SNTG1: variants seen among roughly 807,000 people sequenced by gnomAD.
SNTG1 encodes the protein gamma-1-syntrophin.
SNTG1 carries 39 observed loss-of-function variants against 74.7 expected under a neutral mutation model. The ratio of observed to expected loss-of-function variants is 0.52; its 90% confidence interval spans 0.40 to 0.68. The LOEUF is 0.68. Among genes scored for constraint, SNTG1 ranks in the 30% least tolerant of loss-of-function variants. The probability of loss-of-function intolerance (pLI) is 0.00; values close to 1 mark genes in which losing one functional copy is unlikely to be tolerated. For synonymous variants in SNTG1, 254 were observed against 217.1 expected, an observed-to-expected ratio of 1.17 and a Z score of -1.49; for missense variants, 685 against 609.5, an observed-to-expected ratio of 1.12 and a Z score of -1.30.
chr8:50,789,109 G>A (rs2095684073), intron 18 of SNTG1, among the ~76,000 whole-genome samples: 1 of 151,914 alleles, frequency 6.6e-6, no homozygotes, highest in African/African-American at 2.4e-5. Context: ...GCTTGTAGTA[G>A]ACTTGCCTGT....
chr8:50,687,729 A>G (rs2095358911), intron 15 of SNTG1, among the ~76,000 whole-genome samples: 1 of 151,228 alleles, frequency 6.6e-6, no homozygotes, highest in East Asian at 2.0e-4. Flanking sequence ...CCCTCGCCCC[A>G]CCCCACAACA....
rs34349683 is a variant in SNTG1, at chr8:50,714,058, C to CA, written c.1284+5099dup. On this transcript the variant is annotated intron_variant, in intron 17 of 18. Transcript: ENST00000642720. ...TGGGTGACAGTGTGAGACTCCATTT[C>CA]AAAAAAAAAAAAAAAAAAAGGTGGG... 4.2e-3 allele frequency among the ~76,000 whole-genome samples: 436 copies of CA among 104,872 alleles called. 8 individuals carry two copies. The highest frequency in any genetic ancestry group is 0.013 in the African/African-American group (343 of 26,664). The allele number at this position is 104,872 out of a possible 152,430, so 68.8% of individuals were successfully genotyped here. A position where few individuals can be genotyped will look rare whatever the true frequency, so the allele number is the denominator to read the frequency against.
chr8:50,538,778 C>T (rs78887757), intron 11 of SNTG1, among the ~76,000 whole-genome samples: 1 of 152,130 alleles, frequency 6.6e-6, no homozygotes, highest in East Asian at 1.9e-4. Context: ...TGATTAGTCC[C>T]GCTTTCCATT....
chr8:50,011,154 T>A (rs1328332114), intron 1 of SNTG1, among the ~76,000 whole-genome samples: 1 of 152,136 alleles, frequency 6.6e-6, no homozygotes, highest in Non-Finnish European at 1.5e-5. Context: ...AGAATCCATC[T>A]CCTCATCTCA....
chr8:50,557,736 A>G (rs1361898145), intron 12 of SNTG1, among the ~76,000 whole-genome samples: 1 of 152,222 alleles, frequency 6.6e-6, no homozygotes, highest in East Asian at 1.9e-4. Context: ...ATCTGGTTCC[A>G]GGTTTTCCAT....
intron 4 of SNTG1, among the ~76,000 whole-genome samples, chr8:50,412,139 A>G (rs2092957550): frequency 6.6e-6 from 1 of 152,232 alleles, no homozygotes; most frequent in Non-Finnish European, 1.5e-5. Flanking sequence ...TAAGATTCAT[A>G]TTAAGGATAT....
intron 4 of SNTG1, among the ~76,000 whole-genome samples, chr8:50,433,913 A>G (rs545566830): frequency 7.2e-5 from 11 of 152,128 alleles, no homozygotes; most frequent in South Asian, 2.1e-4. Flanking sequence ...ATTATACGTT[A>G]AGTTCTAGGG....
At chr8:50,725,617 T>C (rs1454023797) in intron 17 of SNTG1, among the ~76,000 whole-genome samples, 3 of 152,160 alleles carry the variant, frequency 2.0e-5, no homozygotes, top group Non-Finnish European at 4.4e-5. Context: ...TCCTCTGTTT[T>C]TCACCGCCCC....
rs200113693 is a variant in SNTG1 at position 50,734,778 on chromosome 8, TAG to T, written c.1285-17221_1285-17220del. ...ATATCTATATATATGGACATATATA[TAG>T]ATATCTATATATATGGACATATATA... On this transcript the variant is annotated intron_variant, in intron 17 of 18. Coordinates refer to ENST00000642720, the MANE Select transcript of SNTG1 (RefSeq NM_018967.5). 6.7e-3 allele frequency among the ~76,000 whole-genome samples: 623 copies of T among 92,764 alleles called. 26 individuals carry two copies. Among genetic ancestry groups the T allele is most frequent in the Middle Eastern group, 0.015 (3 of 196 alleles). 60.9% of individuals were successfully genotyped at this position (92,764 alleles called of 152,430 possible).
chr8:50,477,208 G>T (rs552867978), intron 8 of SNTG1, among the ~76,000 whole-genome samples: 1 of 151,792 alleles, frequency 6.6e-6, no homozygotes, highest in Non-Finnish European at 1.5e-5. Flanking sequence ...TCCTTATGAA[G>T]AATGAAGTAT....
At chr8:50,450,870 ATT>A in intron 8 of SNTG1, 141 bp downstream of exon 8, 1 of 639,072 alleles carries the variant, frequency 1.6e-6, no homozygotes, top group Non-Finnish European at 2.6e-6. Context: ...TGTTCTCTTA[ATT>A]TTTTTTTAAA....
rs200669418 is a variant in SNTG1, at chr8:50,752,085, C to A, written c.1369C>A (p.Pro457Thr). Residue 457 changes from proline to threonine, a missense_variant, in exon 18 of 19, where the codon CCA becomes ACA. Physicochemically the swap from Pro to Thr is conservative, Grantham distance 38. Transcript: ENST00000642720. ...CAAAATCAAATTTTTGTTTCAGAAT[C>A]CAGATACTAAACAGATTGAAGCAAA... is the stretch of plus-strand genomic sequence containing the variant. ...KSKIKFLFQN[P>T]DTKQIEAKEL... The A allele has an allele frequency of 1.7e-5, 27 of 1,566,580 alleles. No individual in the cohort carries two copies. The East Asian group carries it at 6.6e-4, about 39-fold the overall frequency.
chr8:50,324,519 G>A (rs1033683870), intron 2 of SNTG1, among the ~76,000 whole-genome samples: 12 of 152,252 alleles, frequency 7.9e-5, no homozygotes, highest in East Asian at 1.9e-4. Context: ...GCATGTGGTC[G>A]GGGTAGGAGG....
intron 2 of SNTG1, among the ~76,000 whole-genome samples, chr8:50,182,815 A>G (rs1472342154): frequency 6.6e-6 from 1 of 152,032 alleles, no homozygotes; most frequent in African/African-American, 2.4e-5. Context: ...TGCATCCCAT[A>G]TCACTCCTCT....
chr8:50,421,467 T>A (rs1441185768), intron 4 of SNTG1, among the ~76,000 whole-genome samples: 2 of 152,142 alleles, frequency 1.3e-5, no homozygotes, highest in Non-Finnish European at 2.9e-5. Context: ...AGGCCACTCG[T>A]CACCATTTTG....
At chr8:50,546,230 T>A in intron 11 of SNTG1, among the ~76,000 whole-genome samples, 1 of 141,176 alleles carries the variant, frequency 7.1e-6, no homozygotes, top group African/African-American at 2.9e-5. Flanking sequence ...AGAAGCAAAT[T>A]GATAAAAAAA....
intron 18 of SNTG1, among the ~76,000 whole-genome samples, chr8:50,768,279 T>A (rs1201230578): frequency 6.6e-6 from 1 of 152,058 alleles, no homozygotes; most frequent in Non-Finnish European, 1.5e-5. Flanking sequence ...AATCTTCATT[T>A]TCTCATTGTA....
At chr8:50,399,976 T>C (rs2092780917) in intron 3 of SNTG1, among the ~76,000 whole-genome samples, 1 of 152,170 alleles carries the variant, frequency 6.6e-6, no homozygotes, top group Non-Finnish European at 1.5e-5. Flanking sequence ...CATCATACCT[T>C]TTACAAAATA....
At chr8:50,236,491 G>C (rs1282600182) in intron 2 of SNTG1, among the ~76,000 whole-genome samples, 2 of 140,856 alleles carry the variant, frequency 1.4e-5, no homozygotes, top group South Asian at 2.2e-4. Context: ...CGCTCTTTAG[G>C]CCAGGCTGGA....
Sources: gnomAD v4.1 joint callset for allele counts (sites outside exome capture counted in the v4.1 genomes callset) on GRCh38, gnomAD v4.1.1 for gene constraint, MANE v1.5 for transcripts, NCBI Gene and HGNC (gene_info 2026-07-23, HGNC 2026-07-21) for gene names.